The following KLRG1 variants were observed in gnomAD, a reference collection of about 807,000 sequenced individuals.
KLRG1 encodes killer cell lectin like receptor G1.
In KLRG1, 16 loss-of-function variants were observed where a neutral mutation model predicts 21.8. The observed-to-expected ratio is 0.73, with a 90% CI of 0.50 to 1.11. The LOEUF is 1.11. Among genes scored for constraint, KLRG1 ranks in the 50% most tolerant of loss-of-function variants. The pLI is 0.00. For synonymous variants in KLRG1, 69 were observed against 75.9 expected (o/e 0.91, Z 0.47); for missense variants, 173 against 218.3 (o/e 0.79, Z 1.31).
At chr12:9,127,860 CG>C in the KLRG1 span, 4 of 253,130 alleles carry the variant, frequency 1.6e-5, no homozygotes, top group Admixed American at 4.9e-5. Flanking sequence ...GACTGGGCCC[CG>C]GGGCCCCGGC....
At chr12:9,022,917 C>T in the KLRG1 span, among the ~76,000 whole-genome samples, 1 of 152,192 alleles carries the variant, frequency 6.6e-6, no homozygotes, top group Non-Finnish European at 1.5e-5. Flanking sequence ...GGTGGTGCAC[C>T]TGTGTGGGGC....
chr12:9,089,578 T>TA, the KLRG1 span, among the ~76,000 whole-genome samples: 1 of 151,992 alleles, frequency 6.6e-6, no homozygotes, highest in Non-Finnish European at 1.5e-5. Context: ...CTGTCTCTAC[T>TA]AAAAATACAA....
At chr12:9,169,646 A>G in the KLRG1 span, 3 of 1,450,674 alleles carry the variant, frequency 2.1e-6, no homozygotes, top group Non-Finnish European at 2.8e-6. Flanking sequence ...CTTTTGAAAT[A>G]GAATGAACTG....
the KLRG1 span, among the ~76,000 whole-genome samples, chr12:9,049,446 C>CA: frequency 1.3e-5 from 2 of 151,912 alleles, no homozygotes; most frequent in African/African-American, 4.8e-5. Context: ...ATTTTATTTA[C>CA]AAAAAATAAA....
At chr12:9,154,575 C>T in the KLRG1 span, 10 of 1,574,644 alleles carry the variant, frequency 6.4e-6, no homozygotes, top group Non-Finnish European at 8.7e-6. Context: ...TCCCAATTGC[C>T]AAGTGAACCT....
the KLRG1 span, among the ~76,000 whole-genome samples, chr12:9,209,592 A>G: frequency 6.6e-6 from 1 of 152,064 alleles, no homozygotes; most frequent in Non-Finnish European, 1.5e-5. Flanking sequence ...AAATTTGTCT[A>G]GAAGCTTTTC....
the KLRG1 span, chr12:9,109,263 A>G: frequency 2.8e-6 from 4 of 1,409,342 alleles, no homozygotes; most frequent in East Asian, 9.3e-5. Flanking sequence ...AAAATATCCC[A>G]AATGGTGAGT....
chr12:9,159,968 T>C, the KLRG1 span: 1 of 1,613,888 alleles, frequency 6.2e-7, no homozygotes, highest in Non-Finnish European at 8.5e-7. Context: ...GCCATATCGT[T>C]CCCCAAAGGT....
chr12:9,104,362 A>G, the KLRG1 span: 1 of 1,603,160 alleles, frequency 6.2e-7, no homozygotes, highest in Non-Finnish European at 8.5e-7. Context: ...ATATGACTTT[A>G]TTTGGTATAG....
intron 1 of KLRG1, among the ~76,000 whole-genome samples, chr12:8,963,996 T>G (rs1032164851): frequency 6.6e-6 from 1 of 152,198 alleles, no homozygotes; most frequent in Non-Finnish European, 1.5e-5. Flanking sequence ...GCTCCTGGAT[T>G]CATTAATTTT....
At chr12:9,100,034 A>G in the KLRG1 span, among the ~76,000 whole-genome samples, 1 of 152,208 alleles carries the variant, frequency 6.6e-6, no homozygotes, top group African/African-American at 2.4e-5. Context: ...TGCTACAAGA[A>G]CTAATGAGAG....
At chr12:9,087,659 C>T in the KLRG1 span, among the ~76,000 whole-genome samples, 1 of 151,964 alleles carries the variant, frequency 6.6e-6, no homozygotes, top group Non-Finnish European at 1.5e-5. Flanking sequence ...TTCAAATGTT[C>T]CCACCACAAA....
At chr12:9,070,342 CAT>C in the KLRG1 span, 38 of 640,256 alleles carry the variant, frequency 5.9e-5, no homozygotes, top group Middle Eastern at 2.9e-4. Flanking sequence ...CATACAAACA[CAT>C]GTGATTATAT....
At chr12:8,962,456 G>A (rs1040531144) in intron 1 of KLRG1, among the ~76,000 whole-genome samples, 2 of 152,136 alleles carry the variant, frequency 1.3e-5, no homozygotes, top group Non-Finnish European at 2.9e-5. Flanking sequence ...GCTCACACCT[G>A]TAATCCCAGA....
chr12:9,162,362 A>G, the KLRG1 span: 11 of 471,816 alleles, frequency 2.3e-5, no homozygotes, highest in South Asian at 1.2e-4. Context: ...AGGGCTACGT[A>G]TGAACCAAGA....
At chr12:8,998,709 A>T (rs1376966857) in intron 3 of KLRG1, among the ~76,000 whole-genome samples, 1 of 151,656 alleles carries the variant, frequency 6.6e-6, no homozygotes, top group East Asian at 1.9e-4. Flanking sequence ...AAAAAAATCC[A>T]CATCAACTCA....
At chr12:9,034,834 C>CCA in the KLRG1 span, among the ~76,000 whole-genome samples, 1 of 152,038 alleles carries the variant, frequency 6.6e-6, no homozygotes, top group African/African-American at 2.4e-5. Flanking sequence ...TTGGGCAGGC[C>CCA]CTTCAGGAGG....
At chr12:9,070,048 TC>T in the KLRG1 span, among the ~76,000 whole-genome samples, 3 of 152,240 alleles carry the variant, frequency 2.0e-5, no homozygotes, top group Admixed American at 2.0e-4. Flanking sequence ...CAGCTAAGTA[TC>T]CTAAACTTGG....
chr12:9,030,834 T>C, the KLRG1 span, among the ~76,000 whole-genome samples: 1 of 152,342 alleles, frequency 6.6e-6, no homozygotes, highest in East Asian at 1.9e-4. Context: ...AGCCTCATTT[T>C]GAGAGGACAT....
Sources: allele counts gnomAD v4.1 joint callset (sites outside exome capture counted in the v4.1 genomes callset), GRCh38; gene constraint gnomAD v4.1.1; transcripts MANE v1.5; gene names NCBI Gene and HGNC (gene_info 2026-07-23, HGNC 2026-07-21).